The following TBC1D5 variants were observed in gnomAD, a reference collection of about 807,000 sequenced individuals.
The protein encoded by TBC1D5 is TBC1 domain family member 5.
TBC1D5 carries 75 observed loss-of-function variants against 100.3 expected under a neutral mutation model. That is an observed-to-expected ratio of 0.75 (90% confidence interval 0.62 to 0.91). The LOEUF (loss-of-function observed/expected upper bound fraction) is 0.91. Among genes scored for constraint, TBC1D5 ranks in the 40% least tolerant of loss-of-function variants. The probability of loss-of-function intolerance (pLI) is 0.00; values close to 1 mark genes in which losing one functional copy is unlikely to be tolerated. For missense variants in TBC1D5, 910 were observed against 942.4 expected, an observed-to-expected ratio of 0.97 and a Z score of 0.45; for synonymous variants, 323 against 325.6, an observed-to-expected ratio of 0.99 and a Z score of 0.09.
intron 14 of TBC1D5, among the ~76,000 whole-genome samples, chr3:17,303,118 C>T (rs1166022019): frequency 1.3e-5 from 2 of 152,140 alleles, no homozygotes; most frequent in African/African-American, 4.8e-5. Context: ...TTCTGCTGCT[C>T]CCCTCTATCT....
chr3:17,213,761 A>T (rs980821294), intron 18 of TBC1D5, among the ~76,000 whole-genome samples: 1 of 131,886 alleles, frequency 7.6e-6, no homozygotes, highest in African/African-American at 2.8e-5. Flanking sequence ...AAAAAAAAAG[A>T]ATTTTACAGC....
At chr3:17,308,043 C>A (rs759447529) in exon 14 of TBC1D5, 8 of 1,610,184 alleles carry the variant, frequency 5.0e-6, no homozygotes, top group Non-Finnish European at 6.8e-6. Context: ...TCTACTAAAC[C>A]CAGGCTGAGG....
At chr3:17,514,497 A>G (rs2095957082) in intron 2 of TBC1D5, among the ~76,000 whole-genome samples, 1 of 152,198 alleles carries the variant, frequency 6.6e-6, no homozygotes, top group Non-Finnish European at 1.5e-5. Context: ...AAAGAAAATC[A>G]AAACAGACTG....
intron 2 of TBC1D5, among the ~76,000 whole-genome samples, chr3:17,522,804 G>T (rs2096077274): frequency 6.6e-6 from 1 of 152,040 alleles, no homozygotes; most frequent in Non-Finnish European, 1.5e-5. Context: ...TAAAATCTAA[G>T]TACATTAGAG....
chr3:17,383,726 G>A (rs2093040982), intron 9 of TBC1D5, among the ~76,000 whole-genome samples, 187 bp downstream of exon 9: 1 of 151,352 alleles, frequency 6.6e-6, no homozygotes, highest in African/African-American at 2.4e-5. Context: ...CTTATAATGA[G>A]GAAGAAGCAT....
intron 2 of TBC1D5, among the ~76,000 whole-genome samples, chr3:17,548,183 C>T (rs2096437176): frequency 6.6e-6 from 1 of 152,070 alleles, no homozygotes; most frequent in South Asian, 2.1e-4. Context: ...GGCATGGTGG[C>T]ACGTGCCTGT....
intron 16 of TBC1D5, among the ~76,000 whole-genome samples, chr3:17,239,993 T>G (rs1458691015): frequency 6.6e-6 from 1 of 152,230 alleles, no homozygotes; most frequent in East Asian, 1.9e-4. Flanking sequence ...ATCTACTTAT[T>G]TGATTTTAAT....
chr3:17,428,534 T>C lies in TBC1D5; in HGVS notation c.98-15A>G, dbSNP rs751828071. The stretch of plus-strand genomic sequence containing the variant: ...ATTTGAATCTCCTGGAGAAAAAAAT[T>C]ACGACACTGAAATAATGGAGATAAA... On this transcript the variant is annotated splice_polypyrimidine_tract_variant and intron_variant, in intron 3 of 21. Transcript: ENST00000253692. The C allele has an allele frequency of 1.4e-6, 2 of 1,419,244 alleles. No individual in the cohort carries two copies. The highest frequency in any genetic ancestry group is 9.4e-7 in the Non-Finnish European group (1 of 1,059,138). 87.9% of individuals were successfully genotyped at this position (1,419,244 alleles called of 1,614,324 possible). A position where few individuals can be genotyped will look rare whatever the true frequency, so the allele number is the denominator to read the frequency against.
intron 19 of TBC1D5, among the ~76,000 whole-genome samples, chr3:17,178,891 T>G (rs2068115505): frequency 1.3e-5 from 2 of 152,104 alleles, no homozygotes; most frequent in South Asian, 4.2e-4. Flanking sequence ...GCAATCCTCC[T>G]GCTTCGGCCT....
At chr3:17,565,350 A>C (rs1479602989) in intron 2 of TBC1D5, among the ~76,000 whole-genome samples, 1 of 152,184 alleles carries the variant, frequency 6.6e-6, no homozygotes, top group Non-Finnish European at 1.5e-5. Context: ...CTAATTCATC[A>C]ATCATTACAT....
At chr3:17,400,706 C>A (rs189162305) in intron 8 of TBC1D5, among the ~76,000 whole-genome samples, 1 of 152,046 alleles carries the variant, frequency 6.6e-6, no homozygotes, top group Admixed American at 6.6e-5. Flanking sequence ...TGGATGGGCA[C>A]CATCTAATCA....
intron 1 of TBC1D5, among the ~76,000 whole-genome samples, chr3:17,692,011 T>C (rs2071246508): frequency 6.6e-6 from 1 of 152,112 alleles, no homozygotes; most frequent in South Asian, 2.1e-4. Flanking sequence ...TATTCCACTG[T>C]TGGAAAGAGC....
At chr3:17,538,246 G>C (rs147074459) in intron 2 of TBC1D5, among the ~76,000 whole-genome samples, 66 of 152,236 alleles carry the variant, frequency 4.3e-4, no homozygotes, top group African/African-American at 1.6e-3. Context: ...GCCAGCGCCA[G>C]GAAAAGATAG....
intron 1 of TBC1D5, among the ~76,000 whole-genome samples, chr3:17,717,077 A>G (rs752177324): frequency 1.3e-5 from 2 of 152,164 alleles, no homozygotes; most frequent in Non-Finnish European, 2.9e-5. Flanking sequence ...GTGAGAAAAT[A>G]AAAATCAAAA....
chr3:17,538,078 G>T (rs1304110428), intron 2 of TBC1D5, among the ~76,000 whole-genome samples: 1 of 152,132 alleles, frequency 6.6e-6, no homozygotes, highest in Non-Finnish European at 1.5e-5. Flanking sequence ...CCAGCTCATA[G>T]GTATGTCAGA....
chr3:17,628,760 G>A (rs1268837214), intron 1 of TBC1D5, among the ~76,000 whole-genome samples: 1 of 152,182 alleles, frequency 6.6e-6, no homozygotes, highest in Non-Finnish European at 1.5e-5. Flanking sequence ...CTCACTGTAC[G>A]TGGGTGTCTA....
intron 2 of TBC1D5, among the ~76,000 whole-genome samples, chr3:17,589,441 A>G (rs2096752546): frequency 6.6e-6 from 1 of 152,172 alleles, no homozygotes; most frequent in Non-Finnish European, 1.5e-5. Context: ...TCATGAGGGC[A>G]GGTCTTTCCC....
chr3:17,627,623 A>C (rs1185875339), intron 1 of TBC1D5, among the ~76,000 whole-genome samples: 1 of 151,958 alleles, frequency 6.6e-6, no homozygotes, highest in African/African-American at 2.4e-5. Context: ...GGGTCTTAGA[A>C]TGTACTGCAA....
chr3:17,455,246 T>TA, intron 3 of TBC1D5, among the ~76,000 whole-genome samples: 1 of 137,334 alleles, frequency 7.3e-6, no homozygotes, highest in East Asian at 2.0e-4. Context: ...ACATATATTA[T>TA]TGTATATATG....
Sources: allele counts gnomAD v4.1 joint callset (sites outside exome capture counted in the v4.1 genomes callset), GRCh38; gene constraint gnomAD v4.1.1; transcripts MANE v1.5; gene names NCBI Gene and HGNC (gene_info 2026-07-23, HGNC 2026-07-21).